TCTN1: variants seen among roughly 807,000 people sequenced by gnomAD.
TCTN1 encodes tectonic family member 1, also known as tectonic-1.
In TCTN1, 58 loss-of-function variants were observed where a neutral mutation model predicts 65.8. That is an observed-to-expected ratio of 0.88 (90% CI 0.71 to 1.10). TCTN1 has a LOEUF of 1.10. TCTN1 is among the 50% of genes least tolerant of loss of function. The pLI, the probability that TCTN1 is intolerant of heterozygous loss-of-function variation, is 0.00. For synonymous variants in TCTN1, 273 were observed against 289.1 expected (o/e 0.94, Z 0.57); for missense variants, 645 against 719.4 (o/e 0.90, Z 1.18).
chr12:110,645,105 C>T lies in TCTN1; in HGVS notation c.1470C>T (p.Phe490=). 1.2e-6 allele frequency: 2 copies of T among 1,614,146 alleles called. No individual in the cohort carries two copies. The highest frequency in any genetic ancestry group is 1.7e-6 in the Non-Finnish European group (2 of 1,180,012). ...TGCTGGACTGGGTGCCCATCCACTTCATCACCCAGTCATTCAACAGGAAGG... is the reference window on the plus strand; with the variant it reads ...TGCTGGACTGGGTGCCCATCCACTTTATCACCCAGTCATTCAACAGGAAGG... ...QDMLDWVPIH[F]ITQSFNRKHF... Residue 490 remains phenylalanine, a synonymous_variant, in exon 12 of 15, where the codon TTC becomes TTT. Coordinates refer to ENST00000397659, the MANE Select transcript of TCTN1 (RefSeq NM_001082538.3).
rs566886365 is a variant in TCTN1 at position 110,647,458 on chromosome 12, A to T, written c.1635+122A>T. On this transcript the variant is annotated intron_variant, in intron 13 of 14. Coordinates refer to ENST00000397659, the MANE Select transcript of TCTN1 (RefSeq NM_001082538.3). Reference sequence around the variant, plus strand: ...TAATTTAAACCATGGGGGTTCATAAAATATTTCAGCAGTCATTCTTAGAAA... The same window carrying T: ...TAATTTAAACCATGGGGGTTCATAATATATTTCAGCAGTCATTCTTAGAAA... The T allele has an allele frequency of 9.4e-5, 126 of 1,338,458 alleles. No homozygotes were observed. In the African/African-American group the frequency reaches 1.7e-3, roughly 18 times the overall value. 82.9% of individuals were successfully genotyped at this position (1,338,458 alleles called of 1,614,324 possible). A position where few individuals can be genotyped will look rare whatever the true frequency, so the allele number is the denominator to read the frequency against.
At chr12:110,632,671 T>A in intron 5 of TCTN1, 112 bp downstream of exon 5, 1 of 1,077,762 alleles carries the variant, frequency 9.3e-7, no homozygotes, top group East Asian at 2.5e-5. Flanking sequence ...CGCAATTATT[T>A]TTGCACCAAC....
chr12:110,617,113 A>G (rs958547060), intron 1 of TCTN1, among the ~76,000 whole-genome samples: 1 of 152,218 alleles, frequency 6.6e-6, no homozygotes, highest in African/African-American at 2.4e-5. Flanking sequence ...GCAAGATAGT[A>G]ATTTTAAACA....
intron 2 of TCTN1, among the ~76,000 whole-genome samples, chr12:110,621,215 T>C (rs2065407125): frequency 6.6e-6 from 1 of 152,204 alleles, no homozygotes; most frequent in South Asian, 2.1e-4. Context: ...TAGCAAGTTT[T>C]AGCAATTGAT....
intron 1 of TCTN1, among the ~76,000 whole-genome samples, chr12:110,617,514 A>T (rs1365828292): frequency 2.0e-5 from 3 of 151,516 alleles, no homozygotes; most frequent in East Asian, 3.9e-4. Flanking sequence ...TTTAGTAGAG[A>T]TGGGGTTTTA....
intron 14 of TCTN1, chr12:110,648,681 G>A (rs2067582459): frequency 1.4e-5 from 3 of 212,674 alleles, no homozygotes; most frequent in African/African-American, 4.8e-5. Context: ...TGGAGTCTTG[G>A]GTCTAATTGC....
chr12:110,642,634 T>C (rs1428300302), intron 11 of TCTN1, among the ~76,000 whole-genome samples: 1 of 152,182 alleles, frequency 6.6e-6, no homozygotes, highest in Non-Finnish European at 1.5e-5. Flanking sequence ...GGGGTCTCGC[T>C]CTGTCTCCTA....
At chr12:110,627,722 C>A in intron 3 of TCTN1, 30 of 418,146 alleles carry the variant, frequency 7.2e-5, no homozygotes, top group Admixed American at 8.0e-5. Flanking sequence ...TTTATTTTTA[C>A]TAAGAATATT....
At chr12:110,617,285 C>T (rs574199306) in intron 1 of TCTN1, among the ~76,000 whole-genome samples, 89 of 152,140 alleles carry the variant, frequency 5.8e-4, no homozygotes, top group Admixed American at 2.6e-3. Context: ...ATTAACAAAA[C>T]CTTCCCCTTC....
Position 110,640,308 on chromosome 12 carries a change from T to C in TCTN1, c.844-75T>C, listed in dbSNP as rs865973928. 75 of 1,600,084 alleles carry C rather than the reference T, an allele frequency of 4.7e-5. No homozygotes were observed. In the Middle Eastern group the frequency reaches 8.8e-3, roughly 187 times the overall value. On this transcript the variant is annotated intron_variant, in intron 7 of 14. Transcript: ENST00000397659. The surrounding 1 kb of genome is among the most constrained non-coding windows in gnomAD (Gnocchi z 4.9). ...TGGCCATATATCAGGGGAGGTTTCT[T>C]TCCAGTTGGTTGGTTATTTTAGCCC...
At position 110,649,155 on chromosome 12, in the gene TCTN1, C is replaced by CAATT; in HGVS notation, c.*117_*120dup. On this transcript the variant is annotated 3_prime_UTR_variant, in exon 15 of 15. Coordinates refer to ENST00000397659, the MANE Select transcript of TCTN1 (RefSeq NM_001082538.3). ...ATTGTCCAGCTTTGTTGCTCATTTT[C>CAATT]AATTAAGGCTAAAGTGTTCAACATG... The CAATT allele has an allele frequency of 4.4e-6, 3 of 680,124 alleles. No individual in the cohort carries two copies. Among genetic ancestry groups the CAATT allele is most frequent in the African/African-American group, 1.8e-5 (1 of 56,028 alleles). The allele number at this position is 680,124 out of a possible 1,614,324, so 42.1% of individuals were successfully genotyped here. A position where few individuals can be genotyped will look rare whatever the true frequency, so the allele number is the denominator to read the frequency against.
chr12:110,635,781 G>A (rs2136081582), intron 6 of TCTN1: 1 of 152,500 alleles, frequency 6.6e-6, no homozygotes, highest in East Asian at 1.9e-4. Context: ...TCAGTTTTTA[G>A]GATCAAATTT....
In TCTN1 at chr12:110,649,034, T is replaced by A. The variant is rs1288637912; in HGVS notation, c.*2-9T>A. ...GGCAGCTAAAGTAGCTTCTTTTTCT[T>A]TCTTTCAGAATGCTCAGATGCATCA... On this transcript the variant is annotated splice_polypyrimidine_tract_variant and intron_variant, in intron 14 of 14. Transcript: ENST00000397659. 1 of 494,818 alleles carries A rather than the reference T, an allele frequency of 2.0e-6. No individual in the cohort carries two copies. The highest frequency in any genetic ancestry group is 3.9e-6 in the Non-Finnish European group (1 of 256,178). The allele number at this position is 494,818 out of a possible 1,614,324, so 30.7% of individuals were successfully genotyped here. A position where few individuals can be genotyped will look rare whatever the true frequency, so the allele number is the denominator to read the frequency against.
intron 7 of TCTN1, among the ~76,000 whole-genome samples, chr12:110,638,019 G>A (rs1436003293): frequency 6.6e-6 from 1 of 152,148 alleles, no homozygotes; most frequent in Non-Finnish European, 1.5e-5. Context: ...TGTGTCTGAC[G>A]TCTTTGAATC....
At chr12:110,615,626 G>A (rs968339506) in intron 1 of TCTN1, among the ~76,000 whole-genome samples, 2 of 152,014 alleles carry the variant, frequency 1.3e-5, no homozygotes, top group African/African-American at 4.8e-5. Flanking sequence ...AACCACAGGC[G>A]TGCTCCCCCA....
rs2067386160 is a variant in TCTN1 at position 110,647,222 on chromosome 12, G to C, written c.1521G>C (p.Gln507His). The change falls in exon 13 of 15, where the codon CAG becomes CAC. Residue 507 changes from glutamine to histidine, a missense_variant. Physicochemically the swap from Gln to His is conservative, Grantham distance 24 (BLOSUM62 0). Coordinates refer to ENST00000397659, the MANE Select transcript of TCTN1 (RefSeq NM_001082538.3). ...RKHFVLQDSC[Q>H]LPGALVIEVK... ...ATTTTGTTTTGCAGGATTCCTGCCA[G>C]CTCCCAGGGGCTTTGGTTATAGAAG... is the stretch of plus-strand genomic sequence containing the variant. The C allele has an allele frequency of 6.2e-7, 1 of 1,614,186 alleles. No homozygotes were observed. The highest frequency in any genetic ancestry group is 2.2e-5 in the East Asian group (1 of 44,886).
In TCTN1 at chr12:110,640,963, A is replaced by C; in HGVS notation, c.979-61A>C. ...TTGCTATCTATGGGTGTTTTCAGTTATTCATACAGCTTCTGAAATGTAATG... is the reference window on the plus strand; with the variant it reads ...TTGCTATCTATGGGTGTTTTCAGTTCTTCATACAGCTTCTGAAATGTAATG... On this transcript the variant is annotated intron_variant, in intron 8 of 14. Coordinates refer to ENST00000397659, the MANE Select transcript of TCTN1 (RefSeq NM_001082538.3). This position sits in a 1 kb window ranked among gnomAD's most constrained non-coding sequence, Gnocchi z 4.9. 1 of 1,610,246 alleles carries C rather than the reference A, an allele frequency of 6.2e-7. No homozygotes were observed. The highest frequency in any genetic ancestry group is 8.5e-7 in the Non-Finnish European group (1 of 1,176,928).
At chr12:110,641,760 A>G (rs1294750709) in intron 10 of TCTN1, 133 bp downstream of exon 10, 35 of 931,078 alleles carry the variant, frequency 3.8e-5, no homozygotes, top group Non-Finnish European at 1.3e-5. Flanking sequence ...AGCTTCCTGC[A>G]GGCGGCTCTG....
chr12:110,648,990 G>A, intron 14 of TCTN1, 53 bp from the exon 15 acceptor site: 1 of 452,042 alleles, frequency 2.2e-6, no homozygotes, highest in Admixed American at 2.6e-5. Context: ...GAAAATAAGA[G>A]ACTTTTCTAG....
Sources: gnomAD v4.1 joint callset for allele counts (sites outside exome capture counted in the v4.1 genomes callset) on GRCh38, gnomAD v4.1.1 for gene constraint, Gnocchi (gnomAD v3.1) non-coding constraint, MANE v1.5 for transcripts, NCBI Gene and HGNC (gene_info 2026-07-23, HGNC 2026-07-21) for gene names.